PIR: variants seen among roughly 807,000 people sequenced by gnomAD.
PIR encodes the protein pirin.
A neutral mutation model predicts 24.2 loss-of-function variants in PIR; 22 were observed. The ratio of observed to expected loss-of-function variants is 0.91; its 90% CI spans 0.65 to 1.30. The LOEUF is 1.30. Ranked by LOEUF, PIR falls within the 50% of genes most tolerant of loss-of-function variation. The pLI is 0.00. For missense variants in PIR, 220 were observed against 220.3 expected (o/e 1.00, Z 0.01); for synonymous variants, 80 against 79.6 (o/e 1.00, Z -0.03).
At chrX:15,386,619 G>A (rs775954941) in intron 9 of PIR, among the ~76,000 whole-genome samples, 2 of 111,911 alleles carry the variant, frequency 1.8e-5, no homozygotes, top group Non-Finnish European at 3.8e-5. Context: ...AAAGGGGGAG[G>A]AGGAGAAATC....
chrX:15,436,299 T>C (rs886330291), intron 5 of PIR, among the ~76,000 whole-genome samples: 1 of 111,590 alleles, frequency 9.0e-6, no homozygotes, highest in Non-Finnish European at 1.9e-5. Context: ...CTTTTATTTA[T>C]GGGAAGAGTA....
chrX:15,491,196 C>T lies in PIR; in HGVS notation c.62G>A (p.Gly21Glu). 8.3e-7 allele frequency: 1 copy of T among 1,207,718 alleles called. No homozygotes were observed. The highest frequency in any genetic ancestry group is 1.1e-6 in the Non-Finnish European group (1 of 892,553). Residue 21 changes from glycine (G) to glutamate (E), a missense_variant, in exon 2 of 10, where the codon GGA becomes GAA. By Grantham distance (98) the Gly-to-Glu change is moderately conservative. Coordinates refer to ENST00000380420, the MANE Select transcript of PIR (RefSeq NM_001018109.3). ...VLSREQSEGV[G>E]ARVRRSIGRP... ...GCCAATGCTTCTCCGGACCCTCGCT[C>T]CAACCCCTTCCGACTGCTCCCGGCT...
chrX:15,445,452 T>C (rs1480122006), intron 5 of PIR, among the ~76,000 whole-genome samples: 3 of 111,212 alleles, frequency 2.7e-5, no homozygotes, highest in African/African-American at 9.8e-5. Flanking sequence ...CGTTGATGGG[T>C]GCAGCAAACC....
intron 5 of PIR, among the ~76,000 whole-genome samples, chrX:15,446,097 G>A (rs937466887): frequency 9.0e-6 from 1 of 110,741 alleles, no homozygotes; most frequent in African/African-American, 3.3e-5. Flanking sequence ...CCAAAATGCT[G>A]GGATTACAGG....
chrX:15,426,124 C>T (rs753891187), intron 5 of PIR, 134 bp from the exon 6 acceptor site: 16 of 424,587 alleles, frequency 3.8e-5, no homozygotes, highest in South Asian at 9.8e-5. Context: ...GTGTTAAAGC[C>T]GAGGTGGGCT....
chrX:15,452,882 T>G (rs984082362), intron 5 of PIR, among the ~76,000 whole-genome samples: 1 of 112,441 alleles, frequency 8.9e-6, no homozygotes, highest in Admixed American at 9.4e-5. Flanking sequence ...TAATTCCATT[T>G]TCTAGGTATT....
chrX:15,404,564 C>T (rs928815900), intron 7 of PIR, among the ~76,000 whole-genome samples: 15 of 112,340 alleles, frequency 1.3e-4, no homozygotes, highest in Non-Finnish European at 2.1e-4. Flanking sequence ...TTGCTTATCA[C>T]TTCCTGCCAT....
At chrX:15,459,940 GACTTGAATAGAC>G (rs1921234552) in intron 3 of PIR, among the ~76,000 whole-genome samples, 200 bp from the exon 4 acceptor site, 1 of 107,281 alleles carries the variant, frequency 9.3e-6, no homozygotes, top group Non-Finnish European at 1.9e-5. Context: ...ATAGGCAAAG[GACTTGAATAGAC>G]ACTTTCCCAA....
At chrX:15,413,132 C>T (rs1478702761) in intron 6 of PIR, among the ~76,000 whole-genome samples, 1 of 112,104 alleles carries the variant, frequency 8.9e-6, no homozygotes, top group Non-Finnish European at 1.9e-5. Context: ...CTACACAATG[C>T]CAGGCACTTA....
At chrX:15,436,420 AC>A (rs1052382880) in intron 5 of PIR, among the ~76,000 whole-genome samples, 4 of 112,027 alleles carry the variant, frequency 3.6e-5, no homozygotes, top group African/African-American at 1.3e-4. Context: ...TGATTTCTTC[AC>A]CCTTTGAGTC....
At chrX:15,479,645 A>G (rs1018980251) in intron 3 of PIR, 84 bp downstream of exon 3, 111 of 432,469 alleles carry the variant, frequency 2.6e-4, no homozygotes, top group Non-Finnish European at 4.2e-4. Flanking sequence ...CCTATTATTT[A>G]TTGCTTTTAA....
chrX:15,426,959 A>T (rs942881332), intron 5 of PIR, among the ~76,000 whole-genome samples: 1 of 111,870 alleles, frequency 8.9e-6, no homozygotes, highest in Non-Finnish European at 1.9e-5. Flanking sequence ...ATAGCCCCAA[A>T]CTGGAAATCA....
intron 7 of PIR, among the ~76,000 whole-genome samples, chrX:15,398,135 A>G (rs760082155): frequency 2.7e-5 from 3 of 111,092 alleles, no homozygotes; most frequent in Admixed American, 1.9e-4. Flanking sequence ...ATTAGGAGAT[A>G]TACCTAATGT....
At chrX:15,488,452 G>T (rs1922987738) in intron 2 of PIR, among the ~76,000 whole-genome samples, 1 of 110,633 alleles carries the variant, frequency 9.0e-6, no homozygotes, top group Non-Finnish European at 1.9e-5. Flanking sequence ...AATCTAAATG[G>T]TCAAAAATTC....
intron 5 of PIR, among the ~76,000 whole-genome samples, chrX:15,450,261 A>G (rs1180190059): frequency 9.0e-6 from 1 of 111,022 alleles, no homozygotes; most frequent in Admixed American, 9.6e-5. Context: ...CTTCCCAAGC[A>G]AGTGTTGTTT....
At chrX:15,421,517 T>C in intron 6 of PIR, among the ~76,000 whole-genome samples, 1 of 111,004 alleles carries the variant, frequency 9.0e-6, no homozygotes, top group East Asian at 2.8e-4. Flanking sequence ...TGAACAACTA[T>C]ATGCCAAGAA....
intron 5 of PIR, among the ~76,000 whole-genome samples, chrX:15,446,122 C>A (rs1465916610): frequency 9.0e-6 from 1 of 111,335 alleles, no homozygotes; most frequent in Non-Finnish European, 1.9e-5. Flanking sequence ...AGCCACCACA[C>A]CCGGCCTATT....
At chrX:15,386,410 C>T (rs1322613371) in intron 9 of PIR, among the ~76,000 whole-genome samples, 1 of 111,816 alleles carries the variant, frequency 8.9e-6, no homozygotes, top group Non-Finnish European at 1.9e-5. Flanking sequence ...CATTCAATTA[C>T]CTATCTATTA....
chrX:15,448,116 C>T (rs1292496230), intron 5 of PIR, among the ~76,000 whole-genome samples: 1 of 112,138 alleles, frequency 8.9e-6, no homozygotes, highest in Admixed American at 9.4e-5. Context: ...CCTTTGTGCA[C>T]ACCAAGAATG....
Sources: allele counts gnomAD v4.1 joint callset (sites outside exome capture counted in the v4.1 genomes callset), GRCh38; gene constraint gnomAD v4.1.1; transcripts MANE v1.5; gene names NCBI Gene and HGNC (gene_info 2026-07-23, HGNC 2026-07-21).